ARID5B: variants seen among roughly 807,000 people sequenced by gnomAD.
ARID5B encodes AT-rich interactive domain-containing protein 5B.
A neutral mutation model predicts 97.2 loss-of-function variants in ARID5B; 13 were observed. The observed-to-expected ratio is 0.13, with a 90% confidence interval of 0.09 to 0.21. The LOEUF (loss-of-function observed/expected upper bound fraction) is 0.21. ARID5B is among the 10% of genes least tolerant of loss of function. The pLI is 1.00. For missense variants in ARID5B, 1,210 were observed against 1,465.3 expected (o/e 0.83, Z 2.84); for synonymous variants, 556 against 570.3 (o/e 0.97, Z 0.36).
chr10:62,013,490 A>G lies in ARID5B; in HGVS notation c.733+13169A>G, dbSNP rs546522599. On this transcript the variant is annotated intron_variant, in intron 4 of 9. Coordinates refer to ENST00000279873, the MANE Select transcript of ARID5B (RefSeq NM_032199.3). ...TTCTCTTAGCAATTTTTAAGAATAC[A>G]TTATTAACTATAGTCACCATGTTGA... Among the ~76,000 whole-genome samples, 55 of 152,256 alleles carry G rather than the reference A, an allele frequency of 3.6e-4. No individual in the cohort carries two copies. In the South Asian group the frequency reaches 0.01, roughly 28 times the overall value.
At position 61,936,722 on chromosome 10, in the gene ARID5B, A is replaced by T. The variant is rs1215447254; in HGVS notation, c.277-3461A>T. 3.9e-5 allele frequency among the ~76,000 whole-genome samples: 6 copies of T among 152,164 alleles called. No homozygotes were observed. The South Asian group carries it at 1.2e-3, about 32-fold the overall frequency. On this transcript the variant is annotated intron_variant, in intron 2 of 9. Coordinates refer to ENST00000279873, the MANE Select transcript of ARID5B (RefSeq NM_032199.3). Reference sequence around the variant, plus strand: ...AACACCAATTTAGAGAAGAAATAACAATGATCATGATAGCTAATTCTGACA... The same window carrying T: ...AACACCAATTTAGAGAAGAAATAACTATGATCATGATAGCTAATTCTGACA...
chr10:62,092,204 C>T lies in ARID5B; in HGVS notation c.2741C>T (p.Pro914Leu), dbSNP rs779966636. The change falls in exon 10 of 10, where the codon CCG (proline) becomes CTG (leucine). Residue 914 changes from proline to leucine, a missense_variant. This residue lies in a region of ARID5B where 800 missense variants were observed against 839.1 expected (regional missense o/e 0.95). Transcript: ENST00000279873. Reference protein sequence around the residue: ...QPTDLSLPKNPHKPTGKVLGL... With the variant: ...QPTDLSLPKNLHKPTGKVLGL... ...ACAGATCTGAGCCTTCCCAAGAACC[C>T]GCACAAACCTACCGGCAAGGTCCTG... 9.9e-6 allele frequency: 16 copies of T among 1,610,556 alleles called. No homozygotes were observed. Among genetic ancestry groups the T allele is most frequent in the African/African-American group, 1.3e-5 (1 of 74,720 alleles).
At chr10:62,088,276 G>A (rs1181648284) in intron 9 of ARID5B, among the ~76,000 whole-genome samples, 1 of 152,188 alleles carries the variant, frequency 6.6e-6, no homozygotes, top group Non-Finnish European at 1.5e-5. Context: ...TTTTGGCCTG[G>A]TGATTTATTA....
chr10:61,983,081 T>C, intron 3 of ARID5B, among the ~76,000 whole-genome samples: 1 of 152,178 alleles, frequency 6.6e-6, no homozygotes, highest in East Asian at 1.9e-4. Flanking sequence ...AGCCTCTGAC[T>C]AAATCCTTAA....
intron 3 of ARID5B, among the ~76,000 whole-genome samples, chr10:61,999,690 G>T (rs1457983700): frequency 6.6e-6 from 1 of 152,136 alleles, no homozygotes; most frequent in Non-Finnish European, 1.5e-5. Context: ...CAATATAAGA[G>T]CAATTCCAAA....
chr10:62,043,891 G>A (rs1249196575), intron 4 of ARID5B, among the ~76,000 whole-genome samples: 1 of 152,164 alleles, frequency 6.6e-6, no homozygotes, highest in African/African-American at 2.4e-5. Context: ...AGTCAATGAA[G>A]TCCATGGCTG....
At position 62,017,347 on chromosome 10, in the gene ARID5B, G is replaced by T. The variant is rs563257766; in HGVS notation, c.733+17026G>T. 1.4e-4 allele frequency among the ~76,000 whole-genome samples: 21 copies of T among 152,138 alleles called. No homozygotes were observed. In the South Asian group the frequency reaches 3.7e-3, roughly 27 times the overall value. ...ATGCCCCGTAATCCTAGCTACTGAGGAGGCTGAGGTGGGAGAATTGCTTGA... is the reference window on the plus strand; with the variant it reads ...ATGCCCCGTAATCCTAGCTACTGAGTAGGCTGAGGTGGGAGAATTGCTTGA... On this transcript the variant is annotated intron_variant, in intron 4 of 9. Coordinates refer to ENST00000279873, the MANE Select transcript of ARID5B (RefSeq NM_032199.3).
At chr10:62,061,198 T>C (rs1839917003) in intron 7 of ARID5B, among the ~76,000 whole-genome samples, 1 of 151,918 alleles carries the variant, frequency 6.6e-6, no homozygotes, top group Admixed American at 6.6e-5. Flanking sequence ...TCAAACAAGG[T>C]GGAAAAAGGT....
intron 2 of ARID5B, among the ~76,000 whole-genome samples, chr10:61,908,624 C>A (rs1238604623): frequency 2.0e-5 from 3 of 151,756 alleles, no homozygotes; most frequent in African/African-American, 7.3e-5. Context: ...ATGGTGAAAC[C>A]CCGTCTCTAC....
intron 8 of ARID5B, among the ~76,000 whole-genome samples, chr10:62,082,701 T>A (rs1840229833): frequency 6.6e-6 from 1 of 152,208 alleles, no homozygotes; most frequent in African/African-American, 2.4e-5. Flanking sequence ...ACGTTGAACG[T>A]TTAAATGTTC....
At chr10:61,981,779 A>G (rs913276171) in intron 3 of ARID5B, among the ~76,000 whole-genome samples, 2 of 152,146 alleles carry the variant, frequency 1.3e-5, no homozygotes, top group Non-Finnish European at 1.5e-5. Context: ...CTGTTCCTCA[A>G]TGCAGGTCTC....
chr10:61,965,268 G>A (rs1315719234), intron 3 of ARID5B, among the ~76,000 whole-genome samples: 4 of 151,976 alleles, frequency 2.6e-5, no homozygotes, highest in African/African-American at 4.8e-5. Flanking sequence ...TATTTCAAAC[G>A]TACATCTCCT....
At chr10:61,954,254 G>A (rs750448501) in intron 3 of ARID5B, among the ~76,000 whole-genome samples, 4 of 151,958 alleles carry the variant, frequency 2.6e-5, no homozygotes, top group Admixed American at 6.6e-5. Flanking sequence ...CTACTCGGGA[G>A]GCTGAGGCAG....
In ARID5B at chr10:61,914,690, TCAGTGA is replaced by T. The variant is rs1409432313; in HGVS notation, c.276+12279_276+12284del. Among the ~76,000 whole-genome samples, 4 of 152,244 alleles carry T rather than the reference TCAGTGA, an allele frequency of 2.6e-5. No individual in the cohort carries two copies. In the South Asian group the frequency reaches 6.2e-4, roughly 24 times the overall value. On this transcript the variant is annotated intron_variant, in intron 2 of 9. Coordinates refer to ENST00000279873, the MANE Select transcript of ARID5B (RefSeq NM_032199.3). ...CAAAGTCACAACATTTTCCATTAAT[TCAGTGA>T]CCACTTATATGTCAGGCATTGCAAA...
At chr10:61,919,034 C>T (rs916559030) in intron 2 of ARID5B, among the ~76,000 whole-genome samples, 1 of 103,160 alleles carries the variant, frequency 9.7e-6, no homozygotes, top group Admixed American at 1.0e-4. Flanking sequence ...AGCCTGACTC[C>T]GTCCCCCCCC....
intron 4 of ARID5B, among the ~76,000 whole-genome samples, chr10:62,030,780 G>C (rs1839486712): frequency 6.6e-6 from 1 of 152,184 alleles, no homozygotes; most frequent in Non-Finnish European, 1.5e-5. Context: ...TTCAACAATA[G>C]TTGCCTAGCA....
rs1223287850 is a variant in ARID5B at position 62,096,177 on chromosome 10, A to G, written c.*3147A>G. The G allele has an allele frequency of 8.6e-6, 2 of 233,540 alleles. No individual in the cohort carries two copies. The highest frequency in any genetic ancestry group is 1.8e-4 in the South Asian group (1 of 5,540). The allele number at this position is 233,540 out of a possible 1,614,324, so 14.5% of individuals were successfully genotyped here. ...TAAGTTCACTTGTTTATCAGGGCATATACAGAAGGGTTTGTTAAAACTCGA... is the reference window on the plus strand; with the variant it reads ...TAAGTTCACTTGTTTATCAGGGCATGTACAGAAGGGTTTGTTAAAACTCGA... On this transcript the variant is annotated 3_prime_UTR_variant, in exon 10 of 10. Transcript: ENST00000279873.
In ARID5B at chr10:62,032,579, GTGA is replaced by G. The variant is rs569590397; in HGVS notation, c.734-18306_734-18304del. The stretch of plus-strand genomic sequence containing the variant: ...AGAATACAAAAATTAGCCGGGCGTG[GTGA>G]TGGGCGCCTGTAATCCCAGCTGCTC... On this transcript the variant is annotated intron_variant, in intron 4 of 9. Transcript: ENST00000279873. Among the ~76,000 whole-genome samples the G allele has an allele frequency of 2.6e-4, 40 of 152,216 alleles. 2 individuals are homozygous for G. The East Asian group carries it at 7.7e-3, about 29-fold the overall frequency.
intron 3 of ARID5B, among the ~76,000 whole-genome samples, chr10:61,997,072 G>C (rs529288388): frequency 6.6e-6 from 1 of 152,086 alleles, no homozygotes; most frequent in East Asian, 1.9e-4. Context: ...ACTGGTTCTC[G>C]ATGGCACAGT....
Sources: allele counts gnomAD v4.1 joint callset (sites outside exome capture counted in the v4.1 genomes callset), GRCh38; gene constraint gnomAD v4.1.1; regional missense constraint gnomAD v4.1.1; transcripts MANE v1.5; gene names NCBI Gene and HGNC (gene_info 2026-07-23, HGNC 2026-07-21).